TBC1D1: variants seen among roughly 807,000 people sequenced by gnomAD.
TBC1D1 encodes TBC1 domain family member 1, also known as TBC1 (tre-2/USP6, BUB2, cdc16) domain family, member 1.
A neutral mutation model predicts 125.6 loss-of-function variants in TBC1D1; 89 were observed. That is an observed-to-expected ratio of 0.71 (90% CI 0.60 to 0.85). The LOEUF (loss-of-function observed/expected upper bound fraction) is 0.85. TBC1D1 is among the 40% of genes least tolerant of loss of function. The pLI is 0.00. For synonymous variants in TBC1D1, 565 were observed against 564.1 expected (o/e 1.00, Z -0.02); for missense variants, 1,377 against 1,469.2 (o/e 0.94, Z 1.03).
chr4:38,001,040 G>A (rs960368911), intron 2 of TBC1D1, among the ~76,000 whole-genome samples: 1 of 152,140 alleles, frequency 6.6e-6, no homozygotes, highest in Non-Finnish European at 1.5e-5. Context: ...GTAACACGGT[G>A]AAACTCCGTC....
intron 2 of TBC1D1, among the ~76,000 whole-genome samples, chr4:37,957,578 C>G (rs1309980723): frequency 1.3e-5 from 2 of 151,990 alleles, no homozygotes; most frequent in African/African-American, 4.8e-5. Flanking sequence ...ATGATCACAG[C>G]CTCAGCAACA....
intron 8 of TBC1D1, among the ~76,000 whole-genome samples, chr4:38,043,195 C>T (rs1748728865): frequency 6.6e-6 from 1 of 152,084 alleles, no homozygotes; most frequent in African/African-American, 2.4e-5. Context: ...AGCCACTGCG[C>T]CTGGCCGTTT....
chr4:38,026,650 T>G (rs1376876247), intron 6 of TBC1D1, among the ~76,000 whole-genome samples: 4 of 152,190 alleles, frequency 2.6e-5, no homozygotes, highest in Non-Finnish European at 5.9e-5. Flanking sequence ...TTTTTTTCTT[T>G]TCATGGCAGT....
At chr4:38,056,718 G>C (rs1751776167) in intron 12 of TBC1D1, among the ~76,000 whole-genome samples, 1 of 152,166 alleles carries the variant, frequency 6.6e-6, no homozygotes, top group Non-Finnish European at 1.5e-5. Context: ...TGAGGCAGGA[G>C]GATTACTTGA....
In TBC1D1 at chr4:37,936,854, T is replaced by C. The variant is rs150225430; in HGVS notation, c.417+34342T>C. On this transcript the variant is annotated intron_variant, in intron 2 of 19. Transcript: ENST00000261439. ...AACACATAGTAAGCAGCTAATACTT[T>C]ATTGAATGAACTAATGAGCAAGTGA... 2.9e-3 allele frequency among the ~76,000 whole-genome samples: 435 copies of C among 152,344 alleles called. 12 individuals are homozygous for C. Among genetic ancestry groups the C allele is most frequent in the Admixed American group, 0.024 (371 of 15,302 alleles).
At chr4:37,961,053 G>A in intron 2 of TBC1D1, 5 of 1,604,486 alleles carry the variant, frequency 3.1e-6, no homozygotes, top group Non-Finnish European at 4.3e-6. Context: ...AAATTTCTTA[G>A]TGCTTTGGAG....
chr4:38,035,292 T>TC (rs879450651), intron 7 of TBC1D1, among the ~76,000 whole-genome samples: 13 of 152,242 alleles, frequency 8.5e-5, no homozygotes. Flanking sequence ...TTTGTGTTTT[T>TC]CCTCTTGTTT....
At chr4:37,901,735 G>A (rs1716065748) in intron 1 of TBC1D1, among the ~76,000 whole-genome samples, 2 of 49,084 alleles carry the variant, frequency 4.1e-5, no homozygotes, top group South Asian at 6.3e-4. Context: ...TCTATCATGG[G>A]GGCCTTTGTT....
intron 18 of TBC1D1, among the ~76,000 whole-genome samples, chr4:38,125,674 A>G (rs779261049): frequency 2.0e-5 from 3 of 152,202 alleles, no homozygotes; most frequent in Non-Finnish European, 4.4e-5. Context: ...AGTATACAAT[A>G]GAACCATTAT....
At chr4:38,060,991 C>T (rs774647222) in intron 12 of TBC1D1, among the ~76,000 whole-genome samples, 21 of 152,150 alleles carry the variant, frequency 1.4e-4, no homozygotes, top group Non-Finnish European at 2.6e-4. Context: ...GTGATGGACT[C>T]CAGGAGTCTC....
intron 12 of TBC1D1, among the ~76,000 whole-genome samples, chr4:38,081,655 TCAG>T (rs1756581933): frequency 6.6e-6 from 1 of 152,200 alleles, no homozygotes; most frequent in South Asian, 2.1e-4. Context: ...TAATAGGAAT[TCAG>T]CACTTACTCT....
At chr4:38,127,245 G>A (rs530297250) in intron 18 of TBC1D1, among the ~76,000 whole-genome samples, 6 of 152,156 alleles carry the variant, frequency 3.9e-5, no homozygotes, top group Non-Finnish European at 5.9e-5. Context: ...AGAATACTTA[G>A]GATACATCAG....
intron 2 of TBC1D1, among the ~76,000 whole-genome samples, chr4:37,968,817 G>A (rs1731525160): frequency 6.6e-6 from 1 of 152,180 alleles, no homozygotes; most frequent in African/African-American, 2.4e-5. Flanking sequence ...GTTGGGAGAG[G>A]GAGTGTGAGT....
At chr4:38,013,995 G>A (rs988297854) in intron 2 of TBC1D1, among the ~76,000 whole-genome samples, 2 of 152,210 alleles carry the variant, frequency 1.3e-5, no homozygotes, top group Non-Finnish European at 2.9e-5. Context: ...TAATTTCAGA[G>A]CCTTTGTCTT....
chr4:38,095,819 G>C, intron 13 of TBC1D1, 110 bp from the exon 16 acceptor site: 1 of 1,169,440 alleles, frequency 8.6e-7, no homozygotes, highest in South Asian at 1.6e-5. Flanking sequence ...CGTTAAGCCA[G>C]TTGTAACTGC....
At chr4:37,943,897 G>T (rs55697041) in intron 2 of TBC1D1, among the ~76,000 whole-genome samples, 13,206 of 152,238 alleles carry the variant, frequency 0.087, 801 homozygotes, top group Admixed American at 0.18. Context: ...TTCCTTTGGA[G>T]GGGGAGAGGC....
chr4:38,127,790 G>A (rs1199649017), intron 18 of TBC1D1, among the ~76,000 whole-genome samples: 1 of 152,206 alleles, frequency 6.6e-6, no homozygotes, highest in Non-Finnish European at 1.5e-5. Flanking sequence ...GGCAGGGTCT[G>A]TGGGAGCCAG....
chr4:37,910,824 G>A (rs766816156), intron 2 of TBC1D1, among the ~76,000 whole-genome samples: 24 of 152,044 alleles, frequency 1.6e-4, no homozygotes, highest in Non-Finnish European at 3.2e-4. Context: ...ACAAAAGATA[G>A]ATGCTTGAGG....
chr4:38,009,767 G>A (rs1741086940), intron 2 of TBC1D1, among the ~76,000 whole-genome samples: 1 of 152,154 alleles, frequency 6.6e-6, no homozygotes, highest in Non-Finnish European at 1.5e-5. Context: ...TCAAAATTGA[G>A]TTTTAGTATA....
Sources: gnomAD v4.1 joint callset for allele counts (sites outside exome capture counted in the v4.1 genomes callset) on GRCh38, gnomAD v4.1.1 for gene constraint, MANE v1.5 for transcripts, NCBI Gene and HGNC (gene_info 2026-07-23, HGNC 2026-07-21) for gene names.